The following NBN variants were observed in gnomAD, a reference collection of about 807,000 sequenced individuals.
The protein encoded by NBN is nibrin, also known as Nijmegen breakage syndrome 1 (nibrin).
Under a neutral mutation model 90.8 loss-of-function variants are expected in NBN, and 88 were observed. That is an observed-to-expected ratio of 0.97 (90% CI 0.82 to 1.16). NBN has a LOEUF of 1.16. NBN is among the 50% of genes most tolerant of loss of function. NBN has a pLI of 0.00. For missense variants in NBN, 894 were observed against 869.6 expected, an observed-to-expected ratio of 1.03 and a Z score of -0.35; for synonymous variants, 328 against 295.1, an observed-to-expected ratio of 1.11 and a Z score of -1.14.
Position 89,981,292 on chromosome 8 carries a change from T to G in NBN, c.320+83A>C. The G allele has an allele frequency of 2.1e-6, 3 of 1,420,596 alleles. No individual in the cohort carries two copies. The South Asian group carries it at 3.5e-5, about 16-fold the overall frequency. The allele number at this position is 1,420,596 out of a possible 1,614,324, so 88.0% of individuals were successfully genotyped here. On this transcript the variant is annotated intron_variant, in intron 3 of 15. Transcript: ENST00000265433. ...GGAACTAAATTATACTGTTTTAAAT[T>G]CATTAATCAGAAATATCATTTTCCT...
Position 89,955,461 on chromosome 8 carries a change from A to T in NBN, c.1219T>A (p.Cys407Ser), listed in dbSNP as rs1060503460. ...CTATTATTATTAGAGCTTGTTTTGC[A>T]GGACTCCTTTACAGTGGGTGCATCT... ...SQDAPTVKES[C>S]KTSSNNNSMV... is the part of the protein sequence containing the mutation. The change falls in exon 10 of 16, where the codon TGC (cysteine) becomes AGC (serine). Residue 407 changes from cysteine to serine, a missense_variant. Transcript: ENST00000265433. 1 of 1,613,818 alleles carries T rather than the reference A, an allele frequency of 6.2e-7. No individual in the cohort carries two copies. Among genetic ancestry groups the T allele is most frequent in the African/African-American group, 1.3e-5 (1 of 75,022 alleles).
intron 3 of NBN, 102 bp downstream of exon 3, chr8:89,981,273 A>G (rs1812050546): frequency 7.6e-7 from 1 of 1,321,696 alleles, no homozygotes; most frequent in African/African-American, 1.5e-5. Context: ...AGCAGGAACT[A>G]AATTATACTG....
rs1554569106 is a variant in NBN at position 89,982,803 on chromosome 8, GTTTTTCC to G, written c.83_89del (p.Arg28ThrfsTer5). On this transcript the variant is annotated frameshift_variant, in exon 2 of 16. Transcript: ENST00000265433. LOFTEE classifies it high-confidence loss of function. ...GATCATTTTCAATCAGAATGGCACAGTTTTTCCTTCCAACAACGTACTCAACGCCAGT... is the reference window on the plus strand; with the variant it reads ...GATCATTTTCAATCAGAATGGCACAGTTCCAACAACGTACTCAACGCCAGT... 1 of 1,613,466 alleles carries G rather than the reference GTTTTTCC, an allele frequency of 6.2e-7. No individual in the cohort carries two copies. Among genetic ancestry groups the G allele is most frequent in the African/African-American group, 1.3e-5 (1 of 74,890 alleles).
At chr8:89,954,967 G>A (rs1203781864) in intron 10 of NBN, among the ~76,000 whole-genome samples, 1 of 152,164 alleles carries the variant, frequency 6.6e-6, no homozygotes, top group Non-Finnish European at 1.5e-5. Flanking sequence ...TGGTCCTAGA[G>A]GGAGTGAGAG....
chr8:89,980,294 T>C (rs1586105622), intron 4 of NBN, among the ~76,000 whole-genome samples: 2 of 152,166 alleles, frequency 1.3e-5, no homozygotes, highest in Admixed American at 1.3e-4. Context: ...CCTAAAAGGA[T>C]CCCACAAATC....
At chr8:89,935,733 C>A in intron 15 of NBN, 121 bp from the exon 16 acceptor site, 1 of 1,254,884 alleles carries the variant, frequency 8.0e-7, no homozygotes. Context: ...ACAATTTTGT[C>A]CTTAGGATCA....
intron 2 of NBN, among the ~76,000 whole-genome samples, chr8:89,982,209 T>C (rs1812103137): frequency 6.6e-6 from 1 of 152,158 alleles, no homozygotes; most frequent in Non-Finnish European, 1.5e-5. Context: ...CTGTGGGGCA[T>C]AAGTAAGCAT....
intron 1 of NBN, 71 bp from the exon 2 acceptor site, chr8:89,982,926 C>T (rs1812146257): frequency 7.0e-7 from 1 of 1,438,766 alleles, no homozygotes. Context: ...CACACACATA[C>T]ATGTAAGTGT....
intron 5 of NBN, among the ~76,000 whole-genome samples, chr8:89,977,089 C>T (rs1343551454): frequency 6.6e-6 from 1 of 151,966 alleles, no homozygotes; most frequent in East Asian, 1.9e-4. Context: ...TTCTGGGATA[C>T]ATGTGCAGAA....
At chr8:89,967,903 G>A (rs1811326595) in intron 7 of NBN, among the ~76,000 whole-genome samples, 1 of 152,152 alleles carries the variant, frequency 6.6e-6, no homozygotes. Flanking sequence ...CTTGAACTAA[G>A]TTAACAGGTA....
At chr8:89,971,928 T>C (rs1488742161) in intron 5 of NBN, among the ~76,000 whole-genome samples, 2 of 152,222 alleles carry the variant, frequency 1.3e-5, no homozygotes, top group African/African-American at 4.8e-5. Flanking sequence ...CTTAAGCCTC[T>C]CATCAGTCTA....
Position 89,935,447 on chromosome 8 carries a change from T to A in NBN, c.*135A>T, listed in dbSNP as rs1055219617. On this transcript the variant is annotated 3_prime_UTR_variant, in exon 16 of 16. Coordinates refer to ENST00000265433, the MANE Select transcript of NBN (RefSeq NM_002485.5). ...ACAAAAGAATCAAAGTTTTGTGCAT[T>A]TTATTTAATAAATTTAGGCCATAAA... is the stretch of plus-strand genomic sequence containing the variant. The A allele has an allele frequency of 2.7e-5, 28 of 1,030,972 alleles. No homozygotes were observed. The African/African-American group carries it at 4.5e-4, about 16-fold the overall frequency. 63.9% of individuals were successfully genotyped at this position (1,030,972 alleles called of 1,614,324 possible). A position where few individuals can be genotyped will look rare whatever the true frequency, so the allele number is the denominator to read the frequency against.
chr8:89,976,576 T>C (rs1488463143), intron 5 of NBN, among the ~76,000 whole-genome samples: 3 of 152,184 alleles, frequency 2.0e-5, no homozygotes, highest in Non-Finnish European at 2.9e-5. Context: ...ATTATATCTA[T>C]ACTGAATAAA....
rs2129840021 is a variant in NBN at position 89,971,294 on chromosome 8, T to C, written c.585-4A>G. 6.2e-7 allele frequency: 1 copy of C among 1,606,004 alleles called. No homozygotes were observed. The highest frequency in any genetic ancestry group is 8.5e-7 in the Non-Finnish European group (1 of 1,174,628). ...TTCATCAAGAGGTGGGTAAAAACTGTAAAAATAATTAAAGTATATTCTAAT... is the reference window on the plus strand; with the variant it reads ...TTCATCAAGAGGTGGGTAAAAACTGCAAAAATAATTAAAGTATATTCTAAT... On this transcript the variant is annotated splice_region_variant and splice_polypyrimidine_tract_variant and intron_variant, in intron 5 of 15. Transcript: ENST00000265433.
At chr8:89,951,909 T>C (rs1314709981) in intron 11 of NBN, among the ~76,000 whole-genome samples, 1 of 152,222 alleles carries the variant, frequency 6.6e-6, no homozygotes, top group South Asian at 2.1e-4. Flanking sequence ...CTCTTCTAGA[T>C]TGAGGATAGA....
chr8:89,980,262 G>C (rs1039855714), intron 4 of NBN, among the ~76,000 whole-genome samples: 4 of 152,026 alleles, frequency 2.6e-5, no homozygotes, highest in African/African-American at 9.7e-5. Context: ...AAGTATTTGT[G>C]GCTTTTTACT....
chr8:89,981,503 AG>A lies in NBN; in HGVS notation c.191del (p.Pro64LeufsTer3). ...TAGAATTATCTTTTAATGTCAATAC[AG>A]GGATTTCATCTGTTTGACTCTGAAA... ...VTNLSQTDEI[P>X]VLTLKDNSKY... On this transcript the variant is annotated frameshift_variant, in exon 3 of 16. Transcript: ENST00000265433. LOFTEE classifies it high-confidence loss of function. The A allele has an allele frequency of 6.2e-7, 1 of 1,613,048 alleles. No individual in the cohort carries two copies. Among genetic ancestry groups the A allele is most frequent in the South Asian group, 1.1e-5 (1 of 91,054 alleles).
intron 5 of NBN, among the ~76,000 whole-genome samples, chr8:89,972,256 C>G (rs1811553764): frequency 6.6e-6 from 1 of 152,178 alleles, no homozygotes; most frequent in Non-Finnish European, 1.5e-5. Context: ...TAAAGTAAAG[C>G]TAAGTTATGA....
chr8:89,955,813 A>G lies in NBN; in HGVS notation c.1125-258T>C, dbSNP rs1805815. On this transcript the variant is annotated intron_variant, in intron 9 of 15. Coordinates refer to ENST00000265433, the MANE Select transcript of NBN (RefSeq NM_002485.5). ...TCCACTATAGACGACTGACAAACACACACAGAATACCAACTTAGCATAGCC... is the reference window on the plus strand; with the variant it reads ...TCCACTATAGACGACTGACAAACACGCACAGAATACCAACTTAGCATAGCC... 0.071 allele frequency among the ~76,000 whole-genome samples: 10,789 copies of G among 152,140 alleles called. 532 individuals carry two copies. Among genetic ancestry groups the G allele is most frequent in the East Asian group, 0.19 (972 of 5,180 alleles).
Sources: allele counts gnomAD v4.1 joint callset (sites outside exome capture counted in the v4.1 genomes callset), GRCh38; gene constraint gnomAD v4.1.1; transcripts MANE v1.5; gene names NCBI Gene and HGNC (gene_info 2026-07-23, HGNC 2026-07-21).